The following BCL2 variants were observed in gnomAD, a reference collection of about 807,000 sequenced individuals.
The protein encoded by BCL2 is BCL2 apoptosis regulator, also known as apoptosis regulator Bcl-2.
In BCL2, 1 loss-of-function variant was observed where a neutral mutation model predicts 14.2. That is an observed-to-expected ratio of 0.07 (90% CI 0.02 to 0.33). BCL2 has a LOEUF of 0.33. Among genes scored for constraint, BCL2 ranks in the 10% least tolerant of loss-of-function variants. BCL2 has a pLI of 0.99. For missense variants in BCL2, 247 were observed against 305.9 expected (o/e 0.81, Z 1.44); for synonymous variants, 151 against 137.2 (o/e 1.10, Z -0.70).
chr18:63,276,137 T>C (rs2144247287), intron 2 of BCL2, among the ~76,000 whole-genome samples: 1 of 152,216 alleles, frequency 6.6e-6, no homozygotes, highest in East Asian at 1.9e-4. Flanking sequence ...TGGGTGAGTC[T>C]AAGCTTGAGA....
At chr18:63,256,992 T>G (rs1162934991) in intron 2 of BCL2, among the ~76,000 whole-genome samples, 1 of 152,234 alleles carries the variant, frequency 6.6e-6, no homozygotes, top group African/African-American at 2.4e-5. Flanking sequence ...TTAAATTCAT[T>G]CAAAATTTTT....
chr18:63,132,642 AC>A, intron 2 of BCL2, among the ~76,000 whole-genome samples: 1 of 152,268 alleles, frequency 6.6e-6, no homozygotes, highest in South Asian at 2.1e-4. Flanking sequence ...TTGCCCTTCT[AC>A]AATTCCAAAG....
chr18:63,181,504 G>A (rs1373789681), intron 2 of BCL2, among the ~76,000 whole-genome samples: 4 of 152,176 alleles, frequency 2.6e-5, no homozygotes, highest in Admixed American at 2.6e-4. Flanking sequence ...GCCTGGACCC[G>A]TCAGTGAGCC....
chr18:63,299,965 C>T (rs186858328), intron 2 of BCL2, among the ~76,000 whole-genome samples: 3 of 152,216 alleles, frequency 2.0e-5, no homozygotes, highest in South Asian at 2.1e-4. Flanking sequence ...GACTGTCCCC[C>T]CCAAGGCCAG....
intron 2 of BCL2, among the ~76,000 whole-genome samples, chr18:63,260,666 G>A (rs1321312900): frequency 6.6e-6 from 1 of 151,748 alleles, no homozygotes; most frequent in East Asian, 1.9e-4. Context: ...ACAAACTCAC[G>A]AGAGAAAGGT....
intron 2 of BCL2, among the ~76,000 whole-genome samples, chr18:63,224,247 T>C (rs747940788): frequency 6.6e-6 from 1 of 152,038 alleles, no homozygotes; most frequent in Non-Finnish European, 1.5e-5. Context: ...ATAATAGAAG[T>C]TCTGGAAAGA....
intron 2 of BCL2, among the ~76,000 whole-genome samples, chr18:63,263,853 TTCACTCTCATCACC>T (rs1192873987): frequency 1.3e-5 from 2 of 152,174 alleles, no homozygotes; most frequent in Admixed American, 1.3e-4. Flanking sequence ...TAGACGGAGT[TTCACTCTCATCACC>T]CAGGCTGGAG....
chr18:63,138,612 T>C (rs895315842), intron 2 of BCL2, among the ~76,000 whole-genome samples: 1 of 152,234 alleles, frequency 6.6e-6, no homozygotes, highest in Admixed American at 6.5e-5. Context: ...CGAAGGCTGC[T>C]CCCCAAAGCC....
intron 2 of BCL2, among the ~76,000 whole-genome samples, chr18:63,181,312 A>G (rs557923405): frequency 1.3e-5 from 2 of 152,308 alleles, no homozygotes; most frequent in Admixed American, 6.5e-5. Flanking sequence ...GAGGTGGGAC[A>G]GTCACTGAAA....
chr18:63,239,460 G>A (rs1049233520), intron 2 of BCL2, among the ~76,000 whole-genome samples: 1 of 152,188 alleles, frequency 6.6e-6, no homozygotes, highest in East Asian at 1.9e-4. Context: ...ACAAAAATCA[G>A]GCCAGGCGCA....
intron 2 of BCL2, among the ~76,000 whole-genome samples, chr18:63,216,672 C>G (rs1910213614): frequency 6.6e-6 from 1 of 152,040 alleles, no homozygotes; most frequent in Non-Finnish European, 1.5e-5. Flanking sequence ...TGATAGAAAC[C>G]ACAGAAGTGG....
chr18:63,231,613 G>A (rs1394857034), intron 2 of BCL2, among the ~76,000 whole-genome samples: 2 of 151,814 alleles, frequency 1.3e-5, no homozygotes, highest in Non-Finnish European at 2.9e-5. Flanking sequence ...ACACCTGTGA[G>A]GTACCTAGGA....
In BCL2 at chr18:63,126,960, G is replaced by GA. The variant is rs530340306; in HGVS notation, c.*1664dup. The GA allele has an allele frequency of 2.2e-4, 49 of 222,822 alleles. No homozygotes were observed. Among genetic ancestry groups the GA allele is most frequent in the Non-Finnish European group, 2.9e-4 (32 of 111,768 alleles). 13.8% of individuals were successfully genotyped at this position (222,822 alleles called of 1,614,324 possible). A position where few individuals can be genotyped will look rare whatever the true frequency, so the allele number is the denominator to read the frequency against. On this transcript the variant is annotated 3_prime_UTR_variant, in exon 3 of 3. Transcript: ENST00000333681. The stretch of plus-strand genomic sequence containing the variant: ...TTTCAAGGCTGATTCTAAACTGGAA[G>GA]AAAAAAAAATTTCCTAGTTTATTTG...
At chr18:63,140,391 C>A (rs28566629) in intron 2 of BCL2, among the ~76,000 whole-genome samples, 30,615 of 152,102 alleles carry the variant, frequency 0.2, 3,493 homozygotes, top group South Asian at 0.41. Context: ...TGGAAATGAC[C>A]CAAATATCCA....
At chr18:63,252,530 T>G (rs1599270615) in intron 2 of BCL2, among the ~76,000 whole-genome samples, 1 of 152,312 alleles carries the variant, frequency 6.6e-6, no homozygotes, top group Non-Finnish European at 1.5e-5. Flanking sequence ...TGGTGGTAGG[T>G]CTTTCTGCAC....
At chr18:63,221,259 C>A (rs1430740257) in intron 2 of BCL2, among the ~76,000 whole-genome samples, 1 of 152,152 alleles carries the variant, frequency 6.6e-6, no homozygotes, top group Non-Finnish European at 1.5e-5. Flanking sequence ...CCCTTTACAA[C>A]CAATTCCAGG....
Position 63,129,562 on chromosome 18 carries a change from C to T in BCL2, c.586-803G>A, listed in dbSNP as rs142794240. On this transcript the variant is annotated intron_variant, in intron 2 of 2. Coordinates refer to ENST00000333681, the MANE Select transcript of BCL2 (RefSeq NM_000633.3). ...CCAAAGTTCTGGGATTAAAGGCATG[C>T]GCTTTCTCATCCAGCTAATTCTTTG... is the stretch of plus-strand genomic sequence containing the variant. 6.8e-3 allele frequency among the ~76,000 whole-genome samples: 1,040 copies of T among 152,226 alleles called. 8 individuals are homozygous for T. The highest frequency in any genetic ancestry group is 0.029 in the South Asian group (142 of 4,814).
chr18:63,207,261 G>C (rs3744933), intron 2 of BCL2, among the ~76,000 whole-genome samples: 1 of 152,154 alleles, frequency 6.6e-6, no homozygotes, highest in Admixed American at 6.5e-5. Flanking sequence ...CCCCAGGGCC[G>C]ATGGGCACCG....
At chr18:63,173,247 G>A (rs1915270318) in intron 2 of BCL2, among the ~76,000 whole-genome samples, 2 of 151,712 alleles carry the variant, frequency 1.3e-5, no homozygotes, top group Non-Finnish European at 1.5e-5. Context: ...TCTCCTTTTT[G>A]TTTTATTCCA....
Sources: gnomAD v4.1 joint callset for allele counts (sites outside exome capture counted in the v4.1 genomes callset) on GRCh38, gnomAD v4.1.1 for gene constraint, MANE v1.5 for transcripts, NCBI Gene and HGNC (gene_info 2026-07-23, HGNC 2026-07-21) for gene names.